The following CEP120 variants were observed in gnomAD, a reference collection of about 807,000 sequenced individuals.
The protein encoded by CEP120 is centrosomal protein of 120 kDa.
Under a neutral mutation model 126.5 loss-of-function variants are expected in CEP120, and 113 were observed. The observed-to-expected ratio is 0.89, with a 90% confidence interval of 0.77 to 1.04. CEP120 has a LOEUF of 1.04. Ranked by LOEUF, CEP120 falls within the 50% of genes least tolerant of loss-of-function variation. CEP120 has a pLI of 0.00. For missense variants in CEP120, 1,230 were observed against 1,155.7 expected, an observed-to-expected ratio of 1.06 and a Z score of -0.93; for synonymous variants, 400 against 394.3, an observed-to-expected ratio of 1.01 and a Z score of -0.17.
intron 17 of CEP120, among the ~76,000 whole-genome samples, chr5:123,366,623 CTATTCCTTTA>C (rs1023672637): frequency 6.6e-6 from 1 of 151,838 alleles, no homozygotes; most frequent in Non-Finnish European, 1.5e-5. Flanking sequence ...TTTTCAAATT[CTATTCCTTTA>C]TATTCCTACC....
At chr5:123,360,035 T>A (rs181159095) in intron 18 of CEP120, among the ~76,000 whole-genome samples, 2 of 152,044 alleles carry the variant, frequency 1.3e-5, no homozygotes, top group Non-Finnish European at 2.9e-5. Flanking sequence ...GGTTTTGATG[T>A]GACAAATTAC....
intron 18 of CEP120, among the ~76,000 whole-genome samples, chr5:123,361,116 T>C (rs989940184): frequency 1.3e-5 from 2 of 151,820 alleles, no homozygotes; most frequent in Non-Finnish European, 2.9e-5. Flanking sequence ...TTGGGTAATG[T>C]GTAATGACTG....
rs574677572 is a variant in CEP120, at chr5:123,400,145, A to G, written c.464-861T>C. On this transcript the variant is annotated intron_variant, in intron 4 of 19. Transcript: ENST00000306467. ...TCCTTCTTCTAGGAGTTAATCCTAA[A>G]GAGTTGTGCTTACAGTAGCAGTGGC... is the stretch of plus-strand genomic sequence containing the variant. Among the ~76,000 whole-genome samples the G allele has an allele frequency of 3.3e-5, 5 of 152,334 alleles. No homozygotes were observed. In the East Asian group the frequency reaches 9.6e-4, roughly 29 times the overall value.
chr5:123,412,078 A>G (rs1774094825), intron 4 of CEP120, among the ~76,000 whole-genome samples: 1 of 152,252 alleles, frequency 6.6e-6, no homozygotes, highest in Non-Finnish European at 1.5e-5. Flanking sequence ...AGTTGAGTTA[A>G]TAAATAGAGA....
chr5:123,350,482 C>T (rs1018406690), intron 18 of CEP120, among the ~76,000 whole-genome samples: 2 of 152,194 alleles, frequency 1.3e-5, no homozygotes, highest in African/African-American at 2.4e-5. Flanking sequence ...ATCCTTCAAT[C>T]AGTGATTGAT....
intron 4 of CEP120, among the ~76,000 whole-genome samples, chr5:123,406,176 G>C (rs1407286325): frequency 1.4e-5 from 1 of 70,710 alleles, no homozygotes; most frequent in Non-Finnish European, 3.0e-5. Flanking sequence ...AAAAGACTGG[G>C]GGAAAAAAAA....
chr5:123,364,781 T>C (rs1770335098), intron 17 of CEP120, among the ~76,000 whole-genome samples, 187 bp from the exon 18 acceptor site: 1 of 151,670 alleles, frequency 6.6e-6, no homozygotes, highest in African/African-American at 2.4e-5. Flanking sequence ...GTTTAAAATA[T>C]AGTCTTATTT....
intron 18 of CEP120, among the ~76,000 whole-genome samples, chr5:123,353,521 T>G (rs1005791402): frequency 1.3e-5 from 2 of 150,966 alleles, no homozygotes; most frequent in Middle Eastern, 3.4e-3. Context: ...AAAAAAAAAG[T>G]AAGCATTTTT....
At chr5:123,361,606 C>G (rs928339694) in intron 18 of CEP120, among the ~76,000 whole-genome samples, 2 of 151,760 alleles carry the variant, frequency 1.3e-5, no homozygotes, top group African/African-American at 4.8e-5. Context: ...TTCTACAGAA[C>G]GTCTATCACT....
intron 1 of CEP120, 70 bp from the exon 2 acceptor site, chr5:123,418,585 T>C: frequency 7.4e-7 from 1 of 1,360,054 alleles, no homozygotes; most frequent in Non-Finnish European, 9.8e-7. Context: ...ACCATGTGTT[T>C]TTTTGTTTGG....
At chr5:123,394,779 C>G (rs1455763212) in intron 5 of CEP120, among the ~76,000 whole-genome samples, 1 of 152,208 alleles carries the variant, frequency 6.6e-6, no homozygotes. Flanking sequence ...TGGACTTACA[C>G]ACATTGAGAG....
intron 10 of CEP120, 126 bp from the exon 11 acceptor site, chr5:123,385,259 A>G (rs960159447): frequency 4.6e-6 from 3 of 652,130 alleles, no homozygotes; most frequent in Non-Finnish European, 7.6e-6. Context: ...GTCGTCTAAC[A>G]CAATTGTTAG....
chr5:123,401,665 C>T, intron 4 of CEP120: 1 of 1,419,710 alleles, frequency 7.0e-7, no homozygotes, highest in Non-Finnish European at 9.9e-7. Context: ...CTTCATACAG[C>T]TGCCTGAGGA....
chr5:123,349,969 A>G lies in CEP120; in HGVS notation c.2701T>C (p.Leu901=). ...CTGTTCAATTCATTTCTTATATCCA[A>G]CAATTCTTGTCGCTCGGTTTTTACT... ...DTVKTERQEL[L]DIRNELNRLR... is the part of the protein sequence containing the mutation. Residue 901 remains leucine, a synonymous_variant, in exon 19 of 20, where the codon TTG becomes CTG. Coordinates refer to ENST00000306467, the MANE Select transcript of CEP120 (RefSeq NM_001375405.1). 2.5e-6 allele frequency: 4 copies of G among 1,613,728 alleles called. No homozygotes were observed. Among genetic ancestry groups the G allele is most frequent in the Non-Finnish European group, 3.4e-6 (4 of 1,179,894 alleles).
chr5:123,377,237 A>C (rs1771295079), intron 16 of CEP120, 137 bp downstream of exon 16: 2 of 753,936 alleles, frequency 2.7e-6, no homozygotes, highest in Non-Finnish European at 4.3e-6. Flanking sequence ...AGTATATTTG[A>C]ATCTCAGTGC....
chr5:123,380,974 C>G (rs906567696), intron 14 of CEP120, among the ~76,000 whole-genome samples: 19 of 151,910 alleles, frequency 1.3e-4, no homozygotes, highest in African/African-American at 4.6e-4. Flanking sequence ...TTATTTTTGT[C>G]TTTCAGCTTT....
intron 18 of CEP120, among the ~76,000 whole-genome samples, chr5:123,354,321 T>A (rs1420106137): frequency 6.6e-6 from 1 of 152,132 alleles, no homozygotes; most frequent in Non-Finnish European, 1.5e-5. Flanking sequence ...TAATCCAACA[T>A]ATAAGCAACT....
Position 123,391,144 on chromosome 5 carries a change from G to T in CEP120, c.1004C>A (p.Ser335Tyr). 6.2e-7 allele frequency: 1 copy of T among 1,614,160 alleles called. No individual in the cohort carries two copies. Among genetic ancestry groups the T allele is most frequent in the South Asian group, 1.1e-5 (1 of 91,080 alleles). The change falls in exon 7 of 20, where the codon TCT (serine) becomes TAT (tyrosine). Residue 335 changes from serine (S) to tyrosine (Y), a missense_variant. Coordinates refer to ENST00000306467, the MANE Select transcript of CEP120 (RefSeq NM_001375405.1). ...TATGCCTTCTCTCTGCAGAGCCACAGACACTCCCACAGTTGGGGCTAGCTC... is the reference window on the plus strand; with the variant it reads ...TATGCCTTCTCTCTGCAGAGCCACATACACTCCCACAGTTGGGGCTAGCTC... ...PVELAPTVGV[S>Y]VALQREGIDS...
chr5:123,419,612 C>T (rs537031553), intron 1 of CEP120, among the ~76,000 whole-genome samples: 2 of 151,564 alleles, frequency 1.3e-5, no homozygotes, highest in South Asian at 4.2e-4. Flanking sequence ...CACATGGATT[C>T]CTTCATTCTA....
Sources: allele counts gnomAD v4.1 joint callset (sites outside exome capture counted in the v4.1 genomes callset), GRCh38; gene constraint gnomAD v4.1.1; transcripts MANE v1.5; gene names NCBI Gene and HGNC (gene_info 2026-07-23, HGNC 2026-07-21).